The following TRIM56 variants were observed in gnomAD, a reference collection of about 807,000 sequenced individuals.
TRIM56 encodes tripartite motif containing 56.
In TRIM56, 10 loss-of-function variants were observed where a neutral mutation model predicts 17.1. That is an observed-to-expected ratio of 0.58 (90% CI 0.36 to 0.99). The LOEUF (loss-of-function observed/expected upper bound fraction) is 0.99. TRIM56 is among the 50% of genes least tolerant of loss of function. The pLI is 0.01. For synonymous variants in TRIM56, 503 were observed against 473.5 expected, an observed-to-expected ratio of 1.06 and a Z score of -0.81; for missense variants, 923 against 1,052.3, an observed-to-expected ratio of 0.88 and a Z score of 1.70.
rs1795480430 is a variant in TRIM56, at chr7:101,087,948, G to A, written c.636G>A (p.Arg212=). 3 of 1,598,894 alleles carry A rather than the reference G, an allele frequency of 1.9e-6. No individual in the cohort carries two copies. The highest frequency in any genetic ancestry group is 2.7e-5 in the African/African-American group (2 of 74,794). The change falls in exon 3 of 3, where the codon CGG becomes CGA. Residue 212 remains arginine (R), a synonymous_variant. Transcript: ENST00000306085. ...CLPLAEAVRA[R]RPGLEGLLAG... The stretch of plus-strand genomic sequence containing the variant: ...CTCTGGCTGAAGCTGTGCGTGCCCG[G>A]AGGCCGGGCCTGGAGGGACTGCTGG...
rs935066214 is a variant in TRIM56 at position 101,091,406 on chromosome 7, G to A, written c.*1826G>A. ...CCATTATCTACAAATTACAAAGGTA[G>A]GCACAGCAAAGAATAATGAAGATTA... On this transcript the variant is annotated 3_prime_UTR_variant, in exon 3 of 3. Coordinates refer to ENST00000306085, the MANE Select transcript of TRIM56 (RefSeq NM_030961.3). 2 of 186,920 alleles carry A rather than the reference G, an allele frequency of 1.1e-5. No individual in the cohort carries two copies. The highest frequency in any genetic ancestry group is 4.8e-5 in the African/African-American group (2 of 41,616). The allele number at this position is 186,920 out of a possible 1,614,324, so 11.6% of individuals were successfully genotyped here.
chr7:101,086,171 G>C (rs560915537), intron 1 of TRIM56, among the ~76,000 whole-genome samples: 1 of 152,204 alleles, frequency 6.6e-6, no homozygotes, highest in African/African-American at 2.4e-5. Flanking sequence ...TGGGAAGGCC[G>C]AGACGGGAGG....
Position 101,088,983 on chromosome 7 carries a change from C to T in TRIM56, c.1671C>T (p.Ala557=). 6.2e-7 allele frequency: 1 copy of T among 1,611,160 alleles called. No homozygotes were observed. The highest frequency in any genetic ancestry group is 1.3e-5 in the African/African-American group (1 of 75,074). ...PEGCSPCSVA[A]LQSAVAFSAS... is the part of the protein sequence containing the mutation. ...GCTGCTCCCCTTGCAGCGTGGCCGCCCTGCAGAGCGCGGTGGCCTTCTCCG... is the reference window on the plus strand; with the variant it reads ...GCTGCTCCCCTTGCAGCGTGGCCGCTCTGCAGAGCGCGGTGGCCTTCTCCG... The change falls in exon 3 of 3, where the codon GCC becomes GCT. Residue 557 remains alanine (A), a synonymous_variant. Coordinates refer to ENST00000306085, the MANE Select transcript of TRIM56 (RefSeq NM_030961.3).
chr7:101,088,812 G>T lies in TRIM56; in HGVS notation c.1500G>T (p.Arg500=). ...RPIFYCSFPT[R]MPGDKRSPRI... Reference sequence around the variant, plus strand: ...TCTTTTACTGCAGTTTCCCCACGCGGATGCCTGGAGACAAGCGGTCCCCCC... The same window carrying T: ...TCTTTTACTGCAGTTTCCCCACGCGTATGCCTGGAGACAAGCGGTCCCCCC... Residue 500 remains arginine, a synonymous_variant, in exon 3 of 3, where the codon CGG becomes CGT. Coordinates refer to ENST00000306085, the MANE Select transcript of TRIM56 (RefSeq NM_030961.3). 6.2e-7 allele frequency: 1 copy of T among 1,613,796 alleles called. No individual in the cohort carries two copies. The highest frequency in any genetic ancestry group is 8.5e-7 in the Non-Finnish European group (1 of 1,180,044).
Position 101,089,436 on chromosome 7 carries a change from G to A in TRIM56, c.2124G>A (p.Lys708=), listed in dbSNP as rs765009161. Residue 708 remains lysine, a synonymous_variant, in exon 3 of 3, where the codon AAG becomes AAA. Transcript: ENST00000306085. ...EVNKVVILDP[K]GSLLGDFLTA... is the part of the protein sequence containing the mutation. ...ACAAGGTGGTGATCCTGGACCCGAA[G>A]GGGTCCCTCCTTGGAGACTTCCTGA... 8 of 1,614,144 alleles carry A rather than the reference G, an allele frequency of 5.0e-6. No individual in the cohort carries two copies. Among genetic ancestry groups the A allele is most frequent in the Admixed American group, 1.7e-5 (1 of 60,010 alleles).
rs1354318712 is a variant in TRIM56, at chr7:101,087,402, A to T, written c.90A>T (p.Ala30=). 1 of 1,612,746 alleles carries T rather than the reference A, an allele frequency of 6.2e-7. No homozygotes were observed. Residue 30 remains alanine, a synonymous_variant, in exon 3 of 3, where the codon GCA becomes GCT. Transcript: ENST00000306085. The part of the protein sequence containing the change: ...ACKICLEQLR[A]PKTLPCLHTY... ...AAATCTGCCTGGAGCAGCTGCGGGC[A>T]CCCAAGACACTGCCCTGCCTGCATA...
In TRIM56 at chr7:101,089,338, C is replaced by T; in HGVS notation, c.2026C>T (p.Leu676=). Residue 676 remains leucine (L), a synonymous_variant, in exon 3 of 3, where the codon CTG becomes TTG. Transcript: ENST00000306085. ...GGTTGGGGAGTACAAGGGGCCAGGC[C>T]TGCATGGCTGCCAGCCGGGCTCCGT... is the stretch of plus-strand genomic sequence containing the variant. ...QVVGEYKGPG[L]HGCQPGSVSV... 1.2e-6 allele frequency: 2 copies of T among 1,607,352 alleles called. No homozygotes were observed. The highest frequency in any genetic ancestry group is 1.7e-6 in the Non-Finnish European group (2 of 1,175,136).
rs1455621170 is a variant in TRIM56, at chr7:101,090,943, A to C, written c.*1363A>C. The C allele has an allele frequency of 6.6e-6, 1 of 152,194 alleles. No homozygotes were observed. Among genetic ancestry groups the C allele is most frequent in the African/African-American group, 2.4e-5 (1 of 41,434 alleles). 9.4% of individuals were successfully genotyped at this position (152,194 alleles called of 1,614,324 possible). A position where few individuals can be genotyped will look rare whatever the true frequency, so the allele number is the denominator to read the frequency against. On this transcript the variant is annotated 3_prime_UTR_variant, in exon 3 of 3. Coordinates refer to ENST00000306085, the MANE Select transcript of TRIM56 (RefSeq NM_030961.3). The stretch of plus-strand genomic sequence containing the variant: ...ACTCGGCTGAACTAGGGGGTGAAGG[A>C]AGGTTGTCCTCTGTGGGCCACTATT...
Position 101,089,597 on chromosome 7 carries a change from G to T in TRIM56, c.*17G>T, listed in dbSNP as rs529088989. ...GACAGTTAAAGGGGCTAGGACTAGG[G>T]TGAGAGGGAGTGGGGAGGGAGAGGG... On this transcript the variant is annotated 3_prime_UTR_variant, in exon 3 of 3. Transcript: ENST00000306085. 18 of 1,595,306 alleles carry T rather than the reference G, an allele frequency of 1.1e-5. 1 individual carries two copies. In the East Asian group the frequency reaches 3.4e-4, roughly 30 times the overall value.
chr7:101,086,378 G>A (rs1795448809), intron 1 of TRIM56, among the ~76,000 whole-genome samples: 1 of 151,924 alleles, frequency 6.6e-6, no homozygotes, highest in Non-Finnish European at 1.5e-5. Flanking sequence ...CTGGCCAATA[G>A]GGCCAAACTC....
rs1192950689 is a variant in TRIM56 at position 101,092,213 on chromosome 7, CT to C, written c.*2634del. On this transcript the variant is annotated 3_prime_UTR_variant, in exon 3 of 3. Coordinates refer to ENST00000306085, the MANE Select transcript of TRIM56 (RefSeq NM_030961.3). ...ACAGCCTCTGCCCGGCCGCCACCCC[CT>C]CTGGGAAGTGCGGAGTGTCTCTGCC... The C allele has an allele frequency of 4.3e-5, 9 of 208,580 alleles. No homozygotes were observed. Among genetic ancestry groups the C allele is most frequent in the Non-Finnish European group, 8.7e-5 (9 of 103,504 alleles). The allele number at this position is 208,580 out of a possible 1,614,324, so 12.9% of individuals were successfully genotyped here.
At position 101,087,973 on chromosome 7, in the gene TRIM56, G is replaced by T. The variant is rs771778501; in HGVS notation, c.661G>T (p.Ala221Ser). 1 of 1,594,820 alleles carries T rather than the reference G, an allele frequency of 6.3e-7. No individual in the cohort carries two copies. The highest frequency in any genetic ancestry group is 1.7e-5 in the Admixed American group (1 of 58,654). ...GAGGCCGGGCCTGGAGGGACTGCTGGCCGGTGTGGACAATAACCTGGTGGA... is the reference window on the plus strand; with the variant it reads ...GAGGCCGGGCCTGGAGGGACTGCTGTCCGGTGTGGACAATAACCTGGTGGA... ...ARRPGLEGLL[A>S]GVDNNLVELE... Residue 221 changes from alanine to serine, a missense_variant, in exon 3 of 3, where the codon GCC becomes TCC. This residue lies in a region of TRIM56 where 643 missense variants were observed against 665.6 expected (regional missense o/e 0.97). Transcript: ENST00000306085.
At position 101,097,591 on chromosome 7, in the gene TRIM56, G is replaced by T. The variant is rs1197712046; in HGVS notation, c.*8011G>T. ...AACATCAGACTAGATCTCACCTGAG[G>T]TGCTGGGTGAGAAATCTTAGGGACC... On this transcript the variant is annotated 3_prime_UTR_variant, in exon 3 of 3. Coordinates refer to ENST00000306085, the MANE Select transcript of TRIM56 (RefSeq NM_030961.3). 3 of 152,238 alleles carry T rather than the reference G, an allele frequency of 2.0e-5. No individual in the cohort carries two copies. The highest frequency in any genetic ancestry group is 4.4e-5 in the Non-Finnish European group (3 of 68,068). The allele number at this position is 152,238 out of a possible 1,614,324, so 9.4% of individuals were successfully genotyped here.
At position 101,090,598 on chromosome 7, in the gene TRIM56, C is replaced by G. The variant is rs958102853; in HGVS notation, c.*1018C>G. The G allele has an allele frequency of 1.5e-5, 2 of 131,260 alleles. No individual in the cohort carries two copies. The highest frequency in any genetic ancestry group is 6.0e-5 in the African/African-American group (2 of 33,120). The allele number at this position is 131,260 out of a possible 1,614,324, so 8.1% of individuals were successfully genotyped here. A position where few individuals can be genotyped will look rare whatever the true frequency, so the allele number is the denominator to read the frequency against. On this transcript the variant is annotated 3_prime_UTR_variant, in exon 3 of 3. Coordinates refer to ENST00000306085, the MANE Select transcript of TRIM56 (RefSeq NM_030961.3). Reference sequence around the variant, plus strand: ...ATGATCGCACCACTGCATTCCAGACCCCATCTCGAAAAAAAAAAAAAAAAA... The same window carrying G: ...ATGATCGCACCACTGCATTCCAGACGCCATCTCGAAAAAAAAAAAAAAAAA...
rs1795553447 is a variant in TRIM56, at chr7:101,090,925, T to A, written c.*1345T>A. ...TGAGATATGTTGGCCTTCACTCGGC[T>A]GAACTAGGGGGTGAAGGAAGGTTGT... On this transcript the variant is annotated 3_prime_UTR_variant, in exon 3 of 3. Transcript: ENST00000306085. 6.6e-6 allele frequency: 1 copy of A among 152,158 alleles called. No individual in the cohort carries two copies. Among genetic ancestry groups the A allele is most frequent in the African/African-American group, 2.4e-5 (1 of 41,424 alleles). The allele number at this position is 152,158 out of a possible 1,614,324, so 9.4% of individuals were successfully genotyped here. A position where few individuals can be genotyped will look rare whatever the true frequency, so the allele number is the denominator to read the frequency against.
rs1020067142 is a variant in TRIM56 at position 101,091,325 on chromosome 7, C to A, written c.*1745C>A. The stretch of plus-strand genomic sequence containing the variant: ...AAAGAAAATCCCTTTCTGGGAAAAC[C>A]ATTTCTTGTTTATTGAAACAATGCA... On this transcript the variant is annotated 3_prime_UTR_variant, in exon 3 of 3. Transcript: ENST00000306085. 1.3e-5 allele frequency: 2 copies of A among 159,728 alleles called. No homozygotes were observed. The highest frequency in any genetic ancestry group is 4.8e-5 in the African/African-American group (2 of 41,480). 9.9% of individuals were successfully genotyped at this position (159,728 alleles called of 1,614,324 possible). A position where few individuals can be genotyped will look rare whatever the true frequency, so the allele number is the denominator to read the frequency against.
rs1341521024 is a variant in TRIM56, at chr7:101,091,828, C to G, written c.*2248C>G. On this transcript the variant is annotated 3_prime_UTR_variant, in exon 3 of 3. Transcript: ENST00000306085. ...CTCTTTCCATGGTCACGGTCTCCCT[C>G]TGATGCCGAGCCGAAGCTGGACTGT... 7.4e-6 allele frequency: 3 copies of G among 407,550 alleles called. No individual in the cohort carries two copies. The highest frequency in any genetic ancestry group is 1.8e-5 in the South Asian group (1 of 54,304). 25.2% of individuals were successfully genotyped at this position (407,550 alleles called of 1,614,324 possible).
chr7:101,095,066 CAAA>C lies in TRIM56; in HGVS notation c.*5502_*5504del, dbSNP rs56165943. Reference sequence around the variant, plus strand: ...TGCCTCCCAAGGCTGGGCTCCGCGTCAAAAAAAAAAAAAAAAAATGAGACTGAG... The same window carrying C: ...TGCCTCCCAAGGCTGGGCTCCGCGTCAAAAAAAAAAAAAAATGAGACTGAG... On this transcript the variant is annotated 3_prime_UTR_variant, in exon 3 of 3. Coordinates refer to ENST00000306085, the MANE Select transcript of TRIM56 (RefSeq NM_030961.3). 1.3e-4 allele frequency: 16 copies of C among 123,588 alleles called. No homozygotes were observed. Among genetic ancestry groups the C allele is most frequent in the Non-Finnish European group, 1.2e-4 (7 of 60,310 alleles). The allele number at this position is 123,588 out of a possible 1,614,324, so 7.7% of individuals were successfully genotyped here.
Position 101,088,698 on chromosome 7 carries a change from G to T in TRIM56, c.1386G>T (p.Lys462Asn). ...GTGGCAGACCCAACAAGAAGAAAAAGTTCAAAGGCAGGCTCAAGTCAATTT... is the reference window on the plus strand; with the variant it reads ...GTGGCAGACCCAACAAGAAGAAAAATTTCAAAGGCAGGCTCAAGTCAATTT... ...HRGGRPNKKK[K>N]FKGRLKSISR... The change falls in exon 3 of 3, where the codon AAG (lysine) becomes AAT (asparagine). Residue 462 changes from lysine (K) to asparagine (N), a missense_variant. By Grantham distance (94) the Lys-to-Asn change is moderately conservative. This residue lies in a region of TRIM56 where 643 missense variants were observed against 665.6 expected (regional missense o/e 0.97). Coordinates refer to ENST00000306085, the MANE Select transcript of TRIM56 (RefSeq NM_030961.3). 6.2e-7 allele frequency: 1 copy of T among 1,614,090 alleles called. No individual in the cohort carries two copies. Among genetic ancestry groups the T allele is most frequent in the Middle Eastern group, 1.6e-4 (1 of 6,062 alleles).
Sources: gnomAD v4.1 joint callset for allele counts (sites outside exome capture counted in the v4.1 genomes callset) on GRCh38, gnomAD v4.1.1 for gene constraint, gnomAD v4.1.1 regional missense constraint, MANE v1.5 for transcripts, NCBI Gene and HGNC (gene_info 2026-07-23, HGNC 2026-07-21) for gene names.